Variants in CFAP61 observed in about 807,000 individuals in gnomAD.
CFAP61 encodes the protein cilia and flagella associated protein 61, also known as cilia- and flagella-associated protein 61.
In CFAP61, 107 loss-of-function variants were observed where a neutral mutation model predicts 135.6. The ratio of observed to expected loss-of-function variants is 0.79; its 90% confidence interval spans 0.67 to 0.93. The LOEUF (loss-of-function observed/expected upper bound fraction) is 0.93, where lower values mean the gene tolerates loss of function less well. CFAP61 is among the 40% of genes least tolerant of loss of function. The probability of loss-of-function intolerance (pLI) is 0.00; values close to 1 mark genes in which losing one functional copy is unlikely to be tolerated. For synonymous variants in CFAP61, 575 were observed against 578.5 expected (o/e 0.99, Z 0.09); for missense variants, 1,507 against 1,556.2 (o/e 0.97, Z 0.53).
chr20:20,205,878 T>C (rs781718944), intron 17 of CFAP61, among the ~76,000 whole-genome samples: 3 of 152,192 alleles, frequency 2.0e-5, no homozygotes, highest in Admixed American at 6.5e-5. Context: ...AAGAAAAAAA[T>C]TATGATCCCA....
At chr20:20,155,004 A>T (rs765292814) in intron 9 of CFAP61, among the ~76,000 whole-genome samples, 10 of 152,172 alleles carry the variant, frequency 6.6e-5, no homozygotes, top group Non-Finnish European at 1.2e-4. Context: ...TGGAGGCATC[A>T]CATTACGTGA....
intron 8 of CFAP61, among the ~76,000 whole-genome samples, chr20:20,112,259 A>G (rs1332042949): frequency 6.6e-6 from 1 of 152,170 alleles, no homozygotes; most frequent in Non-Finnish European, 1.5e-5. Context: ...ATATCAGGCA[A>G]AGCAATACCA....
At chr20:20,065,876 A>G (rs746151085) in intron 2 of CFAP61, among the ~76,000 whole-genome samples, 6 of 152,064 alleles carry the variant, frequency 3.9e-5, no homozygotes, top group Non-Finnish European at 7.4e-5. Flanking sequence ...ATGTGAGGAA[A>G]CTCTGAGGTT....
At chr20:20,055,999 C>T in intron 1 of CFAP61, 1 of 1,609,454 alleles carries the variant, frequency 6.2e-7, no homozygotes, top group Non-Finnish European at 8.5e-7. Context: ...GTTAGGTTCT[C>T]CACTGTTGCC....
At chr20:20,353,167 C>T (rs539146452) in intron 26 of CFAP61, among the ~76,000 whole-genome samples, 1 of 152,264 alleles carries the variant, frequency 6.6e-6, no homozygotes, top group South Asian at 2.1e-4. Context: ...AAGTCATTCC[C>T]GGGCCACTGT....
intron 25 of CFAP61, among the ~76,000 whole-genome samples, chr20:20,339,541 C>G (rs2058358630): frequency 6.6e-6 from 1 of 152,160 alleles, no homozygotes. Context: ...GTGATCACAG[C>G]TCACTGCAGC....
At chr20:20,076,279 C>G (rs1454025475) in intron 6 of CFAP61, among the ~76,000 whole-genome samples, 1 of 152,166 alleles carries the variant, frequency 6.6e-6, no homozygotes, top group East Asian at 1.9e-4. Flanking sequence ...CTGCCTGGCT[C>G]TCTCAGGATG....
chr20:20,197,350 G>C (rs557955230), intron 16 of CFAP61, among the ~76,000 whole-genome samples: 2 of 152,044 alleles, frequency 1.3e-5, no homozygotes, highest in South Asian at 2.1e-4. Flanking sequence ...GTGTATACAT[G>C]GTGTGTATGT....
intron 17 of CFAP61, among the ~76,000 whole-genome samples, chr20:20,212,896 C>T (rs2047756020): frequency 6.6e-6 from 1 of 152,194 alleles, no homozygotes; most frequent in Admixed American, 6.5e-5. Flanking sequence ...AGGCACATCC[C>T]TGCCACATAG....
intron 25 of CFAP61, among the ~76,000 whole-genome samples, chr20:20,318,938 C>T (rs1456660157): frequency 6.6e-6 from 1 of 152,216 alleles, no homozygotes; most frequent in Non-Finnish European, 1.5e-5. Context: ...ATAAAATCCT[C>T]CACCACAGTT....
chr20:20,264,220 C>G (rs2052510594), intron 21 of CFAP61, among the ~76,000 whole-genome samples: 1 of 152,072 alleles, frequency 6.6e-6, no homozygotes, highest in Non-Finnish European at 1.5e-5. Flanking sequence ...TGAGATTGAC[C>G]TGTAGTTCTC....
At chr20:20,284,572 A>G (rs1361920643) in intron 22 of CFAP61, among the ~76,000 whole-genome samples, 4 of 152,166 alleles carry the variant, frequency 2.6e-5, no homozygotes, top group Non-Finnish European at 4.4e-5. Context: ...GGCATGAGCC[A>G]CCGCGCCCGG....
intron 8 of CFAP61, among the ~76,000 whole-genome samples, chr20:20,118,320 G>GTC (rs2049335703): frequency 2.2e-5 from 2 of 91,504 alleles, no homozygotes; most frequent in Admixed American, 1.1e-4. Flanking sequence ...CTTTCTTTCT[G>GTC]TCTCTCTCTC....
intron 10 of CFAP61, among the ~76,000 whole-genome samples, chr20:20,162,958 G>A (rs1205756186): frequency 6.6e-6 from 1 of 152,158 alleles, no homozygotes; most frequent in Non-Finnish European, 1.5e-5. Context: ...AGGGTAGTAT[G>A]AGAGGGATTA....
At chr20:20,124,380 A>C (rs551584162) in intron 8 of CFAP61, among the ~76,000 whole-genome samples, 3 of 151,872 alleles carry the variant, frequency 2.0e-5, no homozygotes, top group Non-Finnish European at 2.9e-5. Context: ...TGGGTTTGTC[A>C]TAGATAGCTT....
At chr20:20,340,244 A>G (rs1480896460) in intron 25 of CFAP61, among the ~76,000 whole-genome samples, 1 of 152,244 alleles carries the variant, frequency 6.6e-6, no homozygotes, top group African/African-American at 2.4e-5. Flanking sequence ...TTTCTGAAAT[A>G]AAACCTGGAC....
chr20:20,279,952 G>A (rs2054065496), intron 22 of CFAP61, among the ~76,000 whole-genome samples: 1 of 152,122 alleles, frequency 6.6e-6, no homozygotes, highest in Non-Finnish European at 1.5e-5. Flanking sequence ...GGCAGCATCT[G>A]TCAGGGCATT....
intron 13 of CFAP61, among the ~76,000 whole-genome samples, chr20:20,187,368 A>G (rs1289981294): frequency 6.6e-6 from 1 of 152,184 alleles, no homozygotes; most frequent in Non-Finnish European, 1.5e-5. Flanking sequence ...CATCATGGAG[A>G]GACTGTGGGG....
intron 19 of CFAP61, among the ~76,000 whole-genome samples, chr20:20,247,546 TATTTAC>T (rs2050559039): frequency 6.6e-6 from 1 of 152,254 alleles, no homozygotes; most frequent in Non-Finnish European, 1.5e-5. Context: ...TAGCCACGTG[TATTTAC>T]ATTTAAATTA....
Sources: gnomAD v4.1 joint callset for allele counts (sites outside exome capture counted in the v4.1 genomes callset) on GRCh38, gnomAD v4.1.1 for gene constraint, MANE v1.5 for transcripts, NCBI Gene and HGNC (gene_info 2026-07-23, HGNC 2026-07-21) for gene names.